CTC1: variants seen among roughly 807,000 people sequenced by gnomAD.
CTC1 encodes CST complex subunit CTC1.
In CTC1, 91 loss-of-function variants were observed where a neutral mutation model predicts 136.3. The observed-to-expected ratio is 0.67, with a 90% confidence interval of 0.56 to 0.79. The LOEUF (loss-of-function observed/expected upper bound fraction) is 0.79. Among genes scored for constraint, CTC1 ranks in the 30% least tolerant of loss-of-function variants. The probability of loss-of-function intolerance (pLI) is 0.00; values close to 1 mark genes in which losing one functional copy is unlikely to be tolerated. For missense variants in CTC1, 1,432 were observed against 1,498.1 expected, an observed-to-expected ratio of 0.96 and a Z score of 0.73; for synonymous variants, 606 against 613.8, an observed-to-expected ratio of 0.99 and a Z score of 0.19.
At chr17:8,232,564 T>A in intron 11 of CTC1, 89 bp from the exon 12 acceptor site, 2 of 1,058,844 alleles carry the variant, frequency 1.9e-6, no homozygotes, top group Non-Finnish European at 2.8e-6. Flanking sequence ...TCACTACCCA[T>A]CCCAGGCCAG....
In CTC1 at chr17:8,226,859, A is replaced by G. The variant is rs1437844381; in HGVS notation, c.*1321T>C. ...CTCCCTCCAAGCCTTCGGGAGCGCT[A>G]GTGATTCAGGGAATAGGAAGCAGTA... On this transcript the variant is annotated 3_prime_UTR_variant, in exon 23 of 23. Transcript: ENST00000651323. 6.6e-6 allele frequency: 1 copy of G among 152,130 alleles called. No homozygotes were observed. The highest frequency in any genetic ancestry group is 1.5e-5 in the Non-Finnish European group (1 of 68,004). 9.4% of individuals were successfully genotyped at this position (152,130 alleles called of 1,614,324 possible).
At chr17:8,233,463 A>T (rs1476920725) in intron 10 of CTC1, 2 of 157,138 alleles carry the variant, frequency 1.3e-5, no homozygotes, top group African/African-American at 2.4e-5. Context: ...ATCTCTAAAA[A>T]TTAAAAAGTG....
At chr17:8,239,507 G>A (rs180970593) in intron 2 of CTC1, among the ~76,000 whole-genome samples, 81 of 151,680 alleles carry the variant, frequency 5.3e-4, no homozygotes, top group Non-Finnish European at 9.4e-4. Context: ...CATTATTCTC[G>A]CTTGCATTCC....
At position 8,239,565 on chromosome 17, in the gene CTC1, C is replaced by G. The variant is rs1301166261; in HGVS notation, c.198-936G>C. ...TTAGACAGAGTCTCACTCTTTTGCC[C>G]AGGCTGGAGTGAAATCAAGACTGAA... On this transcript the variant is annotated intron_variant, in intron 2 of 22. Coordinates refer to ENST00000651323, the MANE Select transcript of CTC1 (RefSeq NM_025099.6). 3.3e-5 allele frequency among the ~76,000 whole-genome samples: 5 copies of G among 150,498 alleles called. No individual in the cohort carries two copies. The East Asian group carries it at 7.8e-4, about 23-fold the overall frequency.
chr17:8,236,097 T>C lies in CTC1; in HGVS notation c.1038A>G (p.Pro346=). 6.2e-7 allele frequency: 1 copy of C among 1,614,224 alleles called. No homozygotes were observed. Among genetic ancestry groups the C allele is most frequent in the Non-Finnish European group, 8.5e-7 (1 of 1,180,026 alleles). ...MPSNSEDKKD[P]ESLVRYSRLL... The stretch of plus-strand genomic sequence containing the variant: ...GTCTAGAATACCGGACAAGACTTTC[T>C]GGATCCTTCTTGTCCTCCGAGTTGC... The change falls in exon 6 of 23, where the codon CCA becomes CCG. Residue 346 remains proline (P), a synonymous_variant. Coordinates refer to ENST00000651323, the MANE Select transcript of CTC1 (RefSeq NM_025099.6).
At position 8,227,872 on chromosome 17, in the gene CTC1, C is replaced by T. The variant is rs183335476; in HGVS notation, c.*308G>A. On this transcript the variant is annotated 3_prime_UTR_variant, in exon 23 of 23. Transcript: ENST00000651323. The stretch of plus-strand genomic sequence containing the variant: ...CAATAGGCCTGTCACCATCACCCCA[C>T]AGCGAGCAAGTCTTTTGTTCCCTCA... 7.0e-6 allele frequency: 2 copies of T among 286,768 alleles called. No homozygotes were observed. Among genetic ancestry groups the T allele is most frequent in the East Asian group, 1.4e-4 (2 of 13,952 alleles). The allele number at this position is 286,768 out of a possible 1,614,324, so 17.8% of individuals were successfully genotyped here. A position where few individuals can be genotyped will look rare whatever the true frequency, so the allele number is the denominator to read the frequency against.
rs559314337 is a variant in CTC1 at position 8,226,246 on chromosome 17, G to C, written c.*1934C>G. The C allele has an allele frequency of 1.3e-5, 2 of 152,312 alleles. No individual in the cohort carries two copies. The highest frequency in any genetic ancestry group is 1.9e-4 in the East Asian group (1 of 5,186). 9.4% of individuals were successfully genotyped at this position (152,312 alleles called of 1,614,324 possible). A position where few individuals can be genotyped will look rare whatever the true frequency, so the allele number is the denominator to read the frequency against. ...TTTCAATTGAATAAAGGCACCGCTG[G>C]GATTCGAACCCAGGATCTCCTGTTT... is the stretch of plus-strand genomic sequence containing the variant. On this transcript the variant is annotated 3_prime_UTR_variant, in exon 23 of 23. Coordinates refer to ENST00000651323, the MANE Select transcript of CTC1 (RefSeq NM_025099.6).
At position 8,229,447 on chromosome 17, in the gene CTC1, CTAAA is replaced by C. The variant is rs2151500920; in HGVS notation, c.3012-5_3012-2del. The C allele has an allele frequency of 1.2e-6, 2 of 1,611,624 alleles. No homozygotes were observed. Among genetic ancestry groups the C allele is most frequent in the Admixed American group, 3.3e-5 (2 of 59,954 alleles). On this transcript the variant is annotated splice_acceptor_variant and splice_polypyrimidine_tract_variant and intron_variant, in intron 18 of 22. Transcript: ENST00000651323. LOFTEE classifies it high-confidence loss of function. ...CAGGTAGATGTGGGGCAGGGGAATG[CTAAA>C]TAAATACAGGGAGACAGAGACAGGG...
Position 8,243,019 on chromosome 17 carries a change from T to C in CTC1, c.163A>G (p.Arg55Gly), listed in dbSNP as rs1988401814. 1.2e-6 allele frequency: 2 copies of C among 1,613,592 alleles called. No homozygotes were observed. The highest frequency in any genetic ancestry group is 2.2e-5 in the East Asian group (1 of 44,868). The change falls in exon 2 of 23, where the codon AGG becomes GGG. Residue 55 changes from arginine to glycine, a missense_variant. Arg to Gly is a moderately radical substitution (Grantham distance 125). Transcript: ENST00000651323. ...AGGGGCAGTGTAGAACCTTGGTTCC[T>C]TCCCTGGGACAACCAGACAGTCTTC... ...CVKTVWLSQG[R>G]NQGSTLPLSY...
rs886457200 is a variant in CTC1 at position 8,227,066 on chromosome 17, C to A, written c.*1114G>T. 1.3e-5 allele frequency: 2 copies of A among 150,888 alleles called. No individual in the cohort carries two copies. Among genetic ancestry groups the A allele is most frequent in the Non-Finnish European group, 2.9e-5 (2 of 68,030 alleles). 9.3% of individuals were successfully genotyped at this position (150,888 alleles called of 1,614,324 possible). A position where few individuals can be genotyped will look rare whatever the true frequency, so the allele number is the denominator to read the frequency against. The stretch of plus-strand genomic sequence containing the variant: ...TCTAACCAACTGAGCTAACCGGCCA[C>A]TAACTTTCCGGGTCTACTTCAAATC... On this transcript the variant is annotated 3_prime_UTR_variant, in exon 23 of 23. Coordinates refer to ENST00000651323, the MANE Select transcript of CTC1 (RefSeq NM_025099.6).
In CTC1 at chr17:8,237,523, A is replaced by G; in HGVS notation, c.648-4T>C. The stretch of plus-strand genomic sequence containing the variant: ...CTGCACACCTCTGAGCTTGTTTCTA[A>G]GAAGGAAGAAAAAGCCCTGTAATCC... On this transcript the variant is annotated splice_polypyrimidine_tract_variant and splice_region_variant and intron_variant, in intron 4 of 22. Transcript: ENST00000651323. The G allele has an allele frequency of 1.9e-6, 3 of 1,613,864 alleles. No individual in the cohort carries two copies. The highest frequency in any genetic ancestry group is 2.5e-6 in the Non-Finnish European group (3 of 1,179,922).
chr17:8,245,327 A>G (rs1228729425), intron 1 of CTC1, among the ~76,000 whole-genome samples: 10 of 152,180 alleles, frequency 6.6e-5, no homozygotes, highest in African/African-American at 2.4e-5. Context: ...TTCAAGTTCT[A>G]GATGTCTTCA....
chr17:8,229,529 G>A, intron 18 of CTC1, 83 bp from the exon 19 acceptor site: 2 of 1,209,946 alleles, frequency 1.7e-6, no homozygotes, highest in Non-Finnish European at 2.4e-6. Flanking sequence ...GGGTCTAGAA[G>A]GACTTAGAGG....
At chr17:8,243,253 C>T in intron 1 of CTC1, 105 bp from the exon 2 acceptor site, 3 of 1,078,954 alleles carry the variant, frequency 2.8e-6, no homozygotes, top group Non-Finnish European at 3.9e-6. Flanking sequence ...GGTGCGGTGG[C>T]TCACGCCTGT....
chr17:8,230,382 A>G lies in CTC1; in HGVS notation c.2845T>C (p.Tyr949His). Residue 949 changes from tyrosine to histidine, a missense_variant, in exon 17 of 23, where the codon TAT becomes CAT. Physicochemically the swap from Tyr to His is moderately conservative, Grantham distance 83 (BLOSUM62 2). Coordinates refer to ENST00000651323, the MANE Select transcript of CTC1 (RefSeq NM_025099.6). Reference sequence around the variant, plus strand: ...GGAGGCAAGTGTGGGTCTTCTATATATACATCCAGGTGAGGGGGGAATTCA... The same window carrying G: ...GGAGGCAAGTGTGGGTCTTCTATATGTACATCCAGGTGAGGGGGGAATTCA... ...ECEFPPHLDV[Y>H]IEDPHLPPSL... 3 of 1,614,144 alleles carry G rather than the reference A, an allele frequency of 1.9e-6. No individual in the cohort carries two copies. Among genetic ancestry groups the G allele is most frequent in the Non-Finnish European group, 2.5e-6 (3 of 1,180,028 alleles).
intron 17 of CTC1, 93 bp from the exon 18 acceptor site, chr17:8,230,061 A>C: frequency 8.1e-7 from 1 of 1,238,940 alleles, no homozygotes; most frequent in Non-Finnish European, 1.2e-6. Flanking sequence ...CAGAGTGGCC[A>C]CTCCCCCTGA....
intron 15 of CTC1, 197 bp from the exon 16 acceptor site, chr17:8,230,848 T>C: frequency 1.7e-6 from 1 of 588,366 alleles, no homozygotes. Context: ...TGGCAGATCA[T>C]TCAAAACCCG....
At chr17:8,246,427 C>T (rs1597402941) in intron 1 of CTC1, among the ~76,000 whole-genome samples, 1 of 152,298 alleles carries the variant, frequency 6.6e-6, no homozygotes, top group East Asian at 1.9e-4. Flanking sequence ...ATGGCCAATC[C>T]ACAGGCAGCA....
In CTC1 at chr17:8,228,370, T is replaced by G. The variant is rs758681168; in HGVS notation, c.3515-51A>C. 3 of 1,608,794 alleles carry G rather than the reference T, an allele frequency of 1.9e-6. No individual in the cohort carries two copies. In the Admixed American group the frequency reaches 5.0e-5, roughly 27 times the overall value. ...CACGTCTCAGGCATGTGGCTTTTAG[T>G]TCCCACCCACCATTCTCCTCCCTAA... On this transcript the variant is annotated intron_variant, in intron 22 of 22. Transcript: ENST00000651323.
Sources: gnomAD v4.1 joint callset for allele counts (sites outside exome capture counted in the v4.1 genomes callset) on GRCh38, gnomAD v4.1.1 for gene constraint, MANE v1.5 for transcripts, NCBI Gene and HGNC (gene_info 2026-07-23, HGNC 2026-07-21) for gene names.